The following SPIRE1 variants were observed in gnomAD, a reference collection of about 807,000 sequenced individuals.
SPIRE1 encodes protein spire homolog 1.
SPIRE1 carries 40 observed loss-of-function variants against 94.1 expected under a neutral mutation model. The observed-to-expected ratio is 0.43, with a 90% CI of 0.33 to 0.55. The LOEUF (loss-of-function observed/expected upper bound fraction) is 0.55. SPIRE1 is among the 20% of genes least tolerant of loss of function. The probability of loss-of-function intolerance (pLI) is 0.06; values close to 1 mark genes in which losing one functional copy is unlikely to be tolerated. For synonymous variants in SPIRE1, 376 were observed against 371.7 expected (o/e 1.01, Z -0.13); for missense variants, 838 against 975.2 (o/e 0.86, Z 1.87).
chr18:12,503,660 A>G (rs2033739256), intron 6 of SPIRE1, among the ~76,000 whole-genome samples: 1 of 148,608 alleles, frequency 6.7e-6, no homozygotes, highest in Admixed American at 6.6e-5. Flanking sequence ...GGCTGCCAAA[A>G]TACTGGAAGC....
chr18:12,566,496 A>C (rs1429410600), intron 2 of SPIRE1, among the ~76,000 whole-genome samples: 1 of 152,190 alleles, frequency 6.6e-6, no homozygotes, highest in East Asian at 1.9e-4. Context: ...CTAATAGCTA[A>C]CAGTTTGTCC....
chr18:12,471,740 C>G (rs1292498013), intron 10 of SPIRE1, among the ~76,000 whole-genome samples: 1 of 152,224 alleles, frequency 6.6e-6, no homozygotes, highest in Non-Finnish European at 1.5e-5. Context: ...TTATCATTTA[C>G]TAACTCTTTG....
intron 1 of SPIRE1, chr18:12,653,480 C>T (rs1481854674): frequency 6.6e-6 from 1 of 152,196 alleles, no homozygotes; most frequent in Non-Finnish European, 1.5e-5. Context: ...ACACAGAAGG[C>T]TAGACTCAGG....
chr18:12,606,428 A>C, intron 2 of SPIRE1, among the ~76,000 whole-genome samples: 1 of 152,182 alleles, frequency 6.6e-6, no homozygotes, highest in East Asian at 1.9e-4. Flanking sequence ...GAAAAGGAGA[A>C]GGTGTCTGAT....
intron 3 of SPIRE1, among the ~76,000 whole-genome samples, chr18:12,536,825 C>T (rs140300943): frequency 1.6e-4 from 24 of 152,294 alleles, no homozygotes; most frequent in African/African-American, 4.6e-4. Flanking sequence ...TTTGTATCCA[C>T]GTACAATCAT....
intron 9 of SPIRE1, among the ~76,000 whole-genome samples, chr18:12,485,397 G>A (rs1193865087): frequency 3.3e-5 from 5 of 152,076 alleles, no homozygotes; most frequent in East Asian, 1.9e-4. Context: ...GAGCCACCGC[G>A]CCCGGCCTGT....
chr18:12,622,058 C>G (rs534413187), intron 2 of SPIRE1, among the ~76,000 whole-genome samples: 9 of 152,268 alleles, frequency 5.9e-5, no homozygotes, highest in South Asian at 2.1e-4. Flanking sequence ...CTAAATGACT[C>G]ATCCATCTCT....
intron 4 of SPIRE1, among the ~76,000 whole-genome samples, chr18:12,514,774 C>A (rs918236513): frequency 6.6e-6 from 1 of 152,074 alleles, no homozygotes; most frequent in Admixed American, 6.6e-5. Context: ...AATCTTCAAC[C>A]CAGGCTCACA....
At chr18:12,546,112 C>T (rs2035158673) in intron 3 of SPIRE1, among the ~76,000 whole-genome samples, 1 of 152,068 alleles carries the variant, frequency 6.6e-6, no homozygotes, top group African/African-American at 2.4e-5. Context: ...GCCTCAGCCT[C>T]CCAAGTAGCT....
intron 2 of SPIRE1, among the ~76,000 whole-genome samples, chr18:12,613,655 T>C (rs1347950284): frequency 6.6e-6 from 1 of 152,170 alleles, no homozygotes; most frequent in Non-Finnish European, 1.5e-5. Flanking sequence ...ATCCCAGCAC[T>C]TTGGAAGGCC....
intron 2 of SPIRE1, among the ~76,000 whole-genome samples, chr18:12,605,533 A>G (rs1023218587): frequency 6.6e-6 from 1 of 152,146 alleles, no homozygotes; most frequent in Non-Finnish European, 1.5e-5. Flanking sequence ...AATAAAATAA[A>G]GAAATTCTTT....
At chr18:12,553,561 G>C (rs1002477427) in intron 2 of SPIRE1, among the ~76,000 whole-genome samples, 5 of 152,072 alleles carry the variant, frequency 3.3e-5, no homozygotes, top group African/African-American at 1.2e-4. Context: ...AACCACAGTA[G>C]AACAGAATAC....
Position 12,580,722 on chromosome 18 carries a change from A to G in SPIRE1, c.373-33818T>C, listed in dbSNP as rs148641407. ...AAAAATGAACTACACTACAGCAAAG[A>G]ATTTCCTCATAACTCTCAGTCACAT... On this transcript the variant is annotated intron_variant, in intron 2 of 16. Coordinates refer to ENST00000409402, the MANE Select transcript of SPIRE1 (RefSeq NM_001128626.2). Among the ~76,000 whole-genome samples, 176 of 152,270 alleles carry G rather than the reference A, an allele frequency of 1.2e-3. 1 individual carries two copies. Among genetic ancestry groups the G allele is most frequent in the East Asian group, 6.9e-3 (36 of 5,188 alleles).
rs576652115 is a variant in SPIRE1 at position 12,627,685 on chromosome 18, C to T, written c.372+7377G>A. Among the ~76,000 whole-genome samples, 50 of 152,236 alleles carry T rather than the reference C, an allele frequency of 3.3e-4. No homozygotes were observed. The South Asian group carries it at 5.8e-3, about 18-fold the overall frequency. Reference sequence around the variant, plus strand: ...TACACTTCCAAAAACAGTGTAAAAGCGTTCCTATTTCTCCACATCATCTCC... The same window carrying T: ...TACACTTCCAAAAACAGTGTAAAAGTGTTCCTATTTCTCCACATCATCTCC... On this transcript the variant is annotated intron_variant, in intron 2 of 16. Coordinates refer to ENST00000409402, the MANE Select transcript of SPIRE1 (RefSeq NM_001128626.2).
chr18:12,559,173 C>G lies in SPIRE1; in HGVS notation c.373-12269G>C, dbSNP rs867745613. On this transcript the variant is annotated intron_variant, in intron 2 of 16. Transcript: ENST00000409402. The surrounding 1 kb of genome is among the most constrained non-coding windows in gnomAD (Gnocchi z 4.7). Reference sequence around the variant, plus strand: ...GAGGCTCCATCTGCTTAGGAGCCCACGGGGTGGGGTGGGGTGGGGGGGCGC... The same window carrying G: ...GAGGCTCCATCTGCTTAGGAGCCCAGGGGGTGGGGTGGGGTGGGGGGGCGC... 9.2e-6 allele frequency among the ~76,000 whole-genome samples: 1 copy of G among 108,394 alleles called. No individual in the cohort carries two copies. Among genetic ancestry groups the G allele is most frequent in the Non-Finnish European group, 1.8e-5 (1 of 54,638 alleles). The allele number at this position is 108,394 out of a possible 152,430, so 71.1% of individuals were successfully genotyped here.
intron 12 of SPIRE1, among the ~76,000 whole-genome samples, chr18:12,457,977 T>C (rs968213116): frequency 6.6e-6 from 1 of 151,568 alleles, no homozygotes; most frequent in East Asian, 2.0e-4. Flanking sequence ...CCTGAGTAGC[T>C]GGGACGACAG....
At chr18:12,537,439 A>G (rs1004279015) in intron 3 of SPIRE1, among the ~76,000 whole-genome samples, 1 of 152,216 alleles carries the variant, frequency 6.6e-6, no homozygotes, top group African/African-American at 2.4e-5. Context: ...TATTATACAC[A>G]AACACATGCA....
intron 3 of SPIRE1, among the ~76,000 whole-genome samples, chr18:12,541,451 T>C (rs2035013130): frequency 6.6e-6 from 1 of 152,210 alleles, no homozygotes; most frequent in Admixed American, 6.5e-5. Context: ...CCCCTTTTAG[T>C]TGTATTTGTT....
intron 2 of SPIRE1, among the ~76,000 whole-genome samples, chr18:12,587,542 A>C (rs2036419717): frequency 6.6e-6 from 1 of 152,182 alleles, no homozygotes; most frequent in Admixed American, 6.6e-5. Context: ...TTTTTGAAAC[A>C]AAACAGCTGA....
Sources: allele counts gnomAD v4.1 joint callset (sites outside exome capture counted in the v4.1 genomes callset), GRCh38; gene constraint gnomAD v4.1.1; non-coding constraint Gnocchi (gnomAD v3.1); transcripts MANE v1.5; gene names NCBI Gene and HGNC (gene_info 2026-07-23, HGNC 2026-07-21).